The following ROBO2 variants were observed in gnomAD, a reference collection of about 807,000 sequenced individuals.
The protein encoded by ROBO2 is roundabout homolog 2.
A neutral mutation model predicts 160.8 loss-of-function variants in ROBO2; 53 were observed. The ratio of observed to expected loss-of-function variants is 0.33; its 90% confidence interval spans 0.26 to 0.41. ROBO2 has a LOEUF of 0.41. ROBO2 is among the 10% of genes least tolerant of loss of function. The pLI is 1.00. For missense variants in ROBO2, 1,577 were observed against 1,722.4 expected, an observed-to-expected ratio of 0.92 and a Z score of 1.49; for synonymous variants, 664 against 611.7, an observed-to-expected ratio of 1.09 and a Z score of -1.26.
chr3:75,914,051 A>ATGCCCTGT (rs1288755482), intron 1 of ROBO2, among the ~76,000 whole-genome samples: 1 of 152,150 alleles, frequency 6.6e-6, no homozygotes, highest in Non-Finnish European at 1.5e-5. Context: ...AGAACTTGAA[A>ATGCCCTGT]TGCCCTGTTC....
chr3:76,984,390 T>C (rs991520555), intron 2 of ROBO2, among the ~76,000 whole-genome samples: 6 of 152,122 alleles, frequency 3.9e-5, no homozygotes, highest in African/African-American at 1.2e-4. Context: ...TCAAACCTTT[T>C]TGGCACAGGA....
intron 17 of ROBO2, 72 bp downstream of exon 18, chr3:77,589,005 A>G (rs2094120529): frequency 6.4e-7 from 1 of 1,554,292 alleles, no homozygotes; most frequent in Admixed American, 1.7e-5. Flanking sequence ...AAGGAACAGA[A>G]AGGAATAACA....
intron 2 of ROBO2, among the ~76,000 whole-genome samples, chr3:76,254,632 G>A (rs542169195): frequency 6.6e-6 from 1 of 151,964 alleles, no homozygotes; most frequent in African/African-American, 2.4e-5. Flanking sequence ...GGTTGGAGAG[G>A]AAAGTATACC....
chr3:76,843,282 A>G (rs915346618), intron 2 of ROBO2, among the ~76,000 whole-genome samples: 2 of 151,386 alleles, frequency 1.3e-5, no homozygotes, highest in Non-Finnish European at 2.9e-5. Flanking sequence ...ATAATTAAAT[A>G]TATGTATCTG....
At chr3:77,190,500 C>G (rs1181969819) in intron 2 of ROBO2, among the ~76,000 whole-genome samples, 1 of 151,956 alleles carries the variant, frequency 6.6e-6, no homozygotes, top group Non-Finnish European at 1.5e-5. Flanking sequence ...AATATGAACT[C>G]TATTTTCTTT....
At chr3:77,349,249 C>A (rs139209296) in intron 2 of ROBO2, among the ~76,000 whole-genome samples, 262 of 152,238 alleles carry the variant, frequency 1.7e-3, no homozygotes, top group African/African-American at 6.1e-3. Context: ...GTAGATAGTA[C>A]AGGTATTATT....
chr3:77,171,569 G>A lies in ROBO2; in HGVS notation c.388+73229G>A, dbSNP rs191152531. On this transcript the variant is annotated intron_variant, in intron 2 of 25. Coordinates refer to ENST00000461745, the Ensembl canonical transcript of ROBO2. ...TTATATTTGTGGTATGTTTCCTCAT[G>A]AGTTAACTTTTATGACTTTTCTTGC... 2.9e-3 allele frequency among the ~76,000 whole-genome samples: 436 copies of A among 152,322 alleles called. 1 individual carries two copies. The highest frequency in any genetic ancestry group is 9.9e-3 in the African/African-American group (412 of 41,572).
In ROBO2 at chr3:75,952,398, G is replaced by A. The variant is rs561871637; in HGVS notation, c.109+14796G>A. ...TTAATGAAATGTAATCTAGCAAAGT[G>A]GCATAAGCATAATTATCAGTCACTT... On this transcript the variant is annotated intron_variant, in intron 2 of 26. Coordinates refer to the ROBO2 transcript ENST00000487694. Among the ~76,000 whole-genome samples, 7 of 152,004 alleles carry A rather than the reference G, an allele frequency of 4.6e-5. No individual in the cohort carries two copies. In the East Asian group the frequency reaches 1.2e-3, roughly 25 times the overall value.
intron 2 of ROBO2, among the ~76,000 whole-genome samples, chr3:77,403,926 C>T (rs993046713): frequency 1.3e-5 from 2 of 151,832 alleles, no homozygotes; most frequent in African/African-American, 4.8e-5. Flanking sequence ...TGGAATAGGT[C>T]ACTTTTCCAA....
intron 12 of ROBO2, among the ~76,000 whole-genome samples, chr3:77,565,881 G>A (rs182103577): frequency 2.0e-5 from 3 of 152,118 alleles, no homozygotes; most frequent in Non-Finnish European, 4.4e-5. Context: ...AAACTGAGAA[G>A]TCACTGGAGT....
intron 2 of ROBO2, among the ~76,000 whole-genome samples, chr3:77,344,052 A>G (rs2067353950): frequency 6.6e-6 from 1 of 152,166 alleles, no homozygotes; most frequent in South Asian, 2.1e-4. Flanking sequence ...ATTAGTAAAT[A>G]AGTGATCAAG....
chr3:76,961,899 G>A (rs72900186), intron 2 of ROBO2, among the ~76,000 whole-genome samples: 5 of 152,170 alleles, frequency 3.3e-5, no homozygotes, highest in South Asian at 2.1e-4. Context: ...AACATAACTC[G>A]ATTTAAAATG....
intron 2 of ROBO2, chr3:76,434,008 G>A (rs370800401): frequency 4.0e-6 from 4 of 1,006,310 alleles, no homozygotes. Flanking sequence ...GAACTCTGAG[G>A]TGGTTCATTA....
chr3:77,031,740 T>G (rs1003957046), intron 2 of ROBO2, among the ~76,000 whole-genome samples: 1 of 147,600 alleles, frequency 6.8e-6, no homozygotes, highest in Non-Finnish European at 1.5e-5. Context: ...TAAATATATA[T>G]TAGATATGTA....
intron 2 of ROBO2, among the ~76,000 whole-genome samples, chr3:77,226,834 A>G (rs1314953806): frequency 6.6e-6 from 1 of 152,132 alleles, no homozygotes; most frequent in East Asian, 1.9e-4. Context: ...GAAAGTGAAA[A>G]CCAGAACGGT....
intron 2 of ROBO2, among the ~76,000 whole-genome samples, chr3:76,028,034 T>C (rs1211383543): frequency 1.3e-5 from 2 of 151,916 alleles, no homozygotes; most frequent in Non-Finnish European, 2.9e-5. Context: ...AGTGTGGGTG[T>C]AGTATTTTTC....
At chr3:76,225,837 T>C (rs1704250219) in intron 2 of ROBO2, among the ~76,000 whole-genome samples, 1 of 152,310 alleles carries the variant, frequency 6.6e-6, no homozygotes, top group East Asian at 1.9e-4. Context: ...TTTTTTAAGC[T>C]TATACTTTCA....
intron 2 of ROBO2, among the ~76,000 whole-genome samples, chr3:76,927,344 G>A (rs1195208499): frequency 1.3e-5 from 2 of 152,108 alleles, no homozygotes; most frequent in African/African-American, 4.8e-5. Flanking sequence ...ATTTTTCACA[G>A]TGGATTCTTC....
chr3:75,986,881 A>G (rs575399260), intron 2 of ROBO2, among the ~76,000 whole-genome samples: 1 of 151,756 alleles, frequency 6.6e-6, no homozygotes, highest in South Asian at 2.1e-4. Flanking sequence ...ATTTCACCAT[A>G]CATGTGAAGA....
Sources: gnomAD v4.1 joint callset for allele counts (sites outside exome capture counted in the v4.1 genomes callset) on GRCh38, gnomAD v4.1.1 for gene constraint, MANE v1.5 for transcripts, NCBI Gene and HGNC (gene_info 2026-07-23, HGNC 2026-07-21) for gene names.